Variants in KALRN observed in about 807,000 individuals in gnomAD.
KALRN encodes kalirin RhoGEF kinase.
In KALRN, 70 loss-of-function variants were observed where a neutral mutation model predicts 353.7. The observed-to-expected ratio is 0.20, with a 90% CI of 0.16 to 0.24. The LOEUF (loss-of-function observed/expected upper bound fraction) is 0.24, where lower values mean the gene tolerates loss of function less well. Among genes scored for constraint, KALRN ranks in the 10% least tolerant of loss-of-function variants. KALRN has a pLI of 1.00. For missense variants in KALRN, 2,791 were observed against 3,756.7 expected, an observed-to-expected ratio of 0.74 and a Z score of 6.72; for synonymous variants, 1,391 against 1,434.8, an observed-to-expected ratio of 0.97 and a Z score of 0.69.
intron 1 of KALRN, among the ~76,000 whole-genome samples, chr3:124,181,795 G>C (rs1009313944): frequency 6.6e-6 from 1 of 152,204 alleles, no homozygotes; most frequent in East Asian, 1.9e-4. Context: ...TGGTTCCTAG[G>C]AGGGACAGGA....
chr3:124,712,791 A>G lies in KALRN; in HGVS notation c.8076-144A>G, dbSNP rs1441869301. 6 of 538,970 alleles carry G rather than the reference A, an allele frequency of 1.1e-5. No individual in the cohort carries two copies. The East Asian group carries it at 1.3e-4, about 12-fold the overall frequency. The allele number at this position is 538,970 out of a possible 1,614,324, so 33.4% of individuals were successfully genotyped here. A position where few individuals can be genotyped will look rare whatever the true frequency, so the allele number is the denominator to read the frequency against. On this transcript the variant is annotated intron_variant, in intron 57 of 59. Coordinates refer to ENST00000682506, the MANE Select transcript of KALRN (RefSeq NM_001388419.1). ...AAAGAAGGAAAAATGGATTCTCTGA[A>G]TAACATTATAATTAAAAATATAGGA...
At chr3:124,209,939 G>A (rs1247074996) in intron 1 of KALRN, among the ~76,000 whole-genome samples, 2 of 152,108 alleles carry the variant, frequency 1.3e-5, no homozygotes, top group African/African-American at 4.8e-5. Flanking sequence ...TAATGTTTCA[G>A]TCTTACCACC....
chr3:124,221,059 T>C (rs905693300), intron 1 of KALRN, among the ~76,000 whole-genome samples: 3 of 152,222 alleles, frequency 2.0e-5, no homozygotes, highest in Non-Finnish European at 2.9e-5. Flanking sequence ...GTGGCATCTT[T>C]GCCGATGCCT....
At chr3:124,330,289 C>G (rs1161341970) in intron 8 of KALRN, among the ~76,000 whole-genome samples, 1 of 147,986 alleles carries the variant, frequency 6.8e-6, no homozygotes, top group Admixed American at 6.7e-5. Context: ...CACACACACC[C>G]CATACACCTG....
intron 1 of KALRN, among the ~76,000 whole-genome samples, chr3:124,040,356 T>C (rs529308481): frequency 4.6e-5 from 7 of 152,346 alleles, no homozygotes; most frequent in African/African-American, 1.7e-4. Flanking sequence ...GTGGTCAGTA[T>C]GGTATAGCCC....
chr3:124,172,449 C>T (rs2071989014), intron 1 of KALRN, among the ~76,000 whole-genome samples: 1 of 152,116 alleles, frequency 6.6e-6, no homozygotes, highest in African/African-American at 2.4e-5. Context: ...ATGGAATAGC[C>T]AGAAATGATG....
rs757669977 is a variant in KALRN, at chr3:124,455,370, G to T, written c.3735+11G>T. On this transcript the variant is annotated intron_variant, in intron 22 of 59. Transcript: ENST00000682506. ...GGAGTCAACACAGAGGTAGGCAGGG[G>T]TATTGTCCTCTGGGACATCCTCCCT... 2 of 1,612,192 alleles carry T rather than the reference G, an allele frequency of 1.2e-6. No individual in the cohort carries two copies. Among genetic ancestry groups the T allele is most frequent in the East Asian group, 2.2e-5 (1 of 44,854 alleles).
intron 3 of KALRN, among the ~76,000 whole-genome samples, chr3:124,258,615 G>A (rs2072387715): frequency 6.6e-6 from 1 of 152,262 alleles, no homozygotes; most frequent in Middle Eastern, 3.4e-3. Flanking sequence ...GTGCACATCA[G>A]CTACCACCCA....
intron 25 of KALRN, 37 bp downstream of exon 25, chr3:124,462,670 G>C (rs754926759): frequency 5.6e-6 from 7 of 1,255,446 alleles, no homozygotes; most frequent in Non-Finnish European, 8.2e-6. Flanking sequence ...GCACACTTAG[G>C]CCGTAAAAAC....
intron 1 of KALRN, among the ~76,000 whole-genome samples, chr3:124,112,136 C>T (rs886495020): frequency 5.3e-5 from 8 of 151,992 alleles, no homozygotes; most frequent in African/African-American, 1.9e-4. Flanking sequence ...AACCTTGCCT[C>T]TACCAAAAAC....
intron 6 of KALRN, among the ~76,000 whole-genome samples, chr3:124,306,356 A>G (rs1281929091): frequency 6.6e-6 from 1 of 152,188 alleles, no homozygotes; most frequent in Non-Finnish European, 1.5e-5. Flanking sequence ...AATTTTTTAG[A>G]GAGGCTCAAT....
At chr3:124,094,895 C>T (rs772808213) in intron 1 of KALRN, 1 of 1,613,980 alleles carries the variant, frequency 6.2e-7, no homozygotes, top group Non-Finnish European at 8.5e-7. Context: ...GCTCCGGCTG[C>T]TGGATCGAGG....
In KALRN at chr3:124,167,383, T is replaced by C. The variant is rs12638129; in HGVS notation, c.74-60607T>C. On this transcript the variant is annotated intron_variant, in intron 1 of 59. Transcript: ENST00000682506. ...CAGAAACACTGGGAGCAATGTTTAC[T>C]TGTATGGAAGAGCACTGGACTCCCT... is the stretch of plus-strand genomic sequence containing the variant. Among the ~76,000 whole-genome samples, 12 of 152,372 alleles carry C rather than the reference T, an allele frequency of 7.9e-5. No individual in the cohort carries two copies. In the East Asian group the frequency reaches 2.3e-3, roughly 29 times the overall value.
chr3:124,320,473 G>A (rs1021016092), intron 6 of KALRN, among the ~76,000 whole-genome samples: 6 of 152,206 alleles, frequency 3.9e-5, no homozygotes, highest in African/African-American at 7.2e-5. Flanking sequence ...GACAAGTCAC[G>A]TTGCCCATAG....
At chr3:124,274,888 C>T (rs764048240) in intron 5 of KALRN, among the ~76,000 whole-genome samples, 42 of 152,132 alleles carry the variant, frequency 2.8e-4, no homozygotes, top group Non-Finnish European at 5.3e-4. Flanking sequence ...CATTTTTGCA[C>T]GGTGAAATTC....
At chr3:124,310,278 GA>G (rs999876037) in intron 6 of KALRN, among the ~76,000 whole-genome samples, 10 of 151,652 alleles carry the variant, frequency 6.6e-5, no homozygotes, top group Admixed American at 2.0e-4. Context: ...ACAAATAAAT[GA>G]AAAAAAATCT....
At chr3:124,409,036 C>CT (rs1241517755) in intron 13 of KALRN, among the ~76,000 whole-genome samples, 1 of 152,166 alleles carries the variant, frequency 6.6e-6, no homozygotes, top group Non-Finnish European at 1.5e-5. Flanking sequence ...TATTTTGGCA[C>CT]TTTCTCTGAT....
At chr3:124,266,071 T>C (rs1020873081) in intron 4 of KALRN, among the ~76,000 whole-genome samples, 4 of 152,132 alleles carry the variant, frequency 2.6e-5, no homozygotes, top group African/African-American at 9.7e-5. Context: ...GCTGAGATCG[T>C]ACTATTGCAT....
chr3:124,427,848 A>G (rs1189719105), intron 15 of KALRN, among the ~76,000 whole-genome samples: 3 of 152,236 alleles, frequency 2.0e-5, no homozygotes. Context: ...CATCTAACCT[A>G]TTAGGTAAAT....
Sources: gnomAD v4.1 joint callset for allele counts (sites outside exome capture counted in the v4.1 genomes callset) on GRCh38, gnomAD v4.1.1 for gene constraint, MANE v1.5 for transcripts, NCBI Gene and HGNC (gene_info 2026-07-23, HGNC 2026-07-21) for gene names.